Variants in SAMMSON observed in about 807,000 individuals in gnomAD.
SAMMSON encodes survival associated mitochondrial melanoma specific oncogenic non-coding RNA, also known as long intergenic non-protein coding RNA 1212.
intron 3 of SAMMSON, among the ~76,000 whole-genome samples, chr3:70,048,169 G>A (rs2067134148): frequency 6.6e-6 from 1 of 152,022 alleles, no homozygotes; most frequent in Admixed American, 6.6e-5. Context: ...GCTACCGGCT[G>A]TGAATACAAT....
intron 4 of SAMMSON, among the ~76,000 whole-genome samples, chr3:70,132,782 AAAG>A (rs2067487797): frequency 4.5e-5 from 5 of 110,690 alleles, no homozygotes; most frequent in Admixed American, 1.8e-4. Flanking sequence ...AAAAAAAAAA[AAAG>A]AAAAGAAAAA....
intron 7 of SAMMSON, among the ~76,000 whole-genome samples, chr3:70,325,512 C>T (rs1300788596): frequency 6.6e-6 from 1 of 152,078 alleles, no homozygotes; most frequent in African/African-American, 2.4e-5. Context: ...TCTAATTGTG[C>T]TGTGAGAGAG....
intron 4 of SAMMSON, chr3:70,126,584 T>C (rs969004322): frequency 4.2e-6 from 2 of 475,454 alleles, no homozygotes; most frequent in Admixed American, 3.4e-5. Flanking sequence ...CCCCTTGATA[T>C]TGCAAATGGC....
chr3:70,392,975 A>AT (rs1701062536), downstream of SAMMSON, among the ~76,000 whole-genome samples: 1 of 152,138 alleles, frequency 6.6e-6, no homozygotes, highest in Non-Finnish European at 1.5e-5. Flanking sequence ...ATTTTTGCAC[A>AT]TTTTGGGATC....
chr3:70,354,242 C>G (rs1367293804), exon 8 of SAMMSON: 1 of 152,140 alleles, frequency 6.6e-6, no homozygotes, highest in African/African-American at 2.4e-5. Context: ...TGTCTTACAA[C>G]TGCAGATGAA....
chr3:70,058,082 G>A (rs923276680), intron 3 of SAMMSON, among the ~76,000 whole-genome samples: 5 of 152,008 alleles, frequency 3.3e-5, no homozygotes, highest in Admixed American at 1.3e-4. Flanking sequence ...TGAGAAGAAC[G>A]CCATCTAAAC....
chr3:70,296,527 T>C (rs917629687), intron 7 of SAMMSON, among the ~76,000 whole-genome samples: 4 of 152,160 alleles, frequency 2.6e-5, no homozygotes, highest in African/African-American at 9.7e-5. Flanking sequence ...AATCATTTGG[T>C]TACTTAATTC....
intron 3 of SAMMSON, among the ~76,000 whole-genome samples, chr3:70,019,349 T>C (rs1037897570): frequency 6.6e-6 from 1 of 152,164 alleles, no homozygotes; most frequent in African/African-American, 2.4e-5. Flanking sequence ...GCCTTCTTTG[T>C]CTCTTTTGAA....
chr3:70,298,156 C>T (rs899006788), intron 7 of SAMMSON, among the ~76,000 whole-genome samples: 3 of 152,028 alleles, frequency 2.0e-5, no homozygotes, highest in Non-Finnish European at 4.4e-5. Flanking sequence ...TTAGATTTGG[C>T]ATCTAAATAT....
chr3:70,009,160 A>T (rs1402177089), intron 1 of SAMMSON: 2 of 152,216 alleles, frequency 1.3e-5, no homozygotes, highest in Non-Finnish European at 2.9e-5. Context: ...TCATAAAATG[A>T]GTGAGGGAGG....
rs191715650 is a variant in SAMMSON, at chr3:70,162,882, T to G, written n.508-86225T>G. Among the ~76,000 whole-genome samples the G allele has an allele frequency of 2.2e-3, 341 of 152,126 alleles. 7 individuals carry two copies. Among genetic ancestry groups the G allele is most frequent in the Non-Finnish European group, 3.1e-4 (21 of 67,902 alleles). The stretch of plus-strand genomic sequence containing the variant: ...TGTTGAATTGATTAGTTTATCATTA[T>G]AAAATGTTCTTCCTCTTTGTCTCTA... On this transcript the variant is annotated intron_variant and non_coding_transcript_variant, in intron 4 of 9. Coordinates refer to ENST00000642114, the Ensembl canonical transcript of SAMMSON.
chr3:70,293,514 A>G (rs1256077173), intron 7 of SAMMSON, among the ~76,000 whole-genome samples: 2 of 152,198 alleles, frequency 1.3e-5, no homozygotes, highest in African/African-American at 4.8e-5. Flanking sequence ...GATGTTGCCT[A>G]TATTTCTGAT....
At chr3:70,406,457 A>G (rs1701179076) in intron 2 of SAMMSON, among the ~76,000 whole-genome samples, 1 of 152,178 alleles carries the variant, frequency 6.6e-6, no homozygotes, top group Admixed American at 6.5e-5. Flanking sequence ...GAAAAATTTA[A>G]AAGAATTTGA....
chr3:70,395,204 C>T (rs1705702938), intron 2 of SAMMSON, among the ~76,000 whole-genome samples: 1 of 152,070 alleles, frequency 6.6e-6, no homozygotes, highest in Non-Finnish European at 1.5e-5. Flanking sequence ...CTAATCCTGC[C>T]AAAGGTCTCT....
chr3:70,318,632 C>T (rs1166956733), intron 7 of SAMMSON, among the ~76,000 whole-genome samples: 2 of 151,852 alleles, frequency 1.3e-5, no homozygotes, highest in African/African-American at 2.4e-5. Context: ...CTATTGACTG[C>T]TTGTTTTCTT....
chr3:70,409,934 A>T (rs1701205017), intron 2 of SAMMSON, among the ~76,000 whole-genome samples: 1 of 152,114 alleles, frequency 6.6e-6, no homozygotes, highest in South Asian at 2.1e-4. Context: ...CCAGGTAGTG[A>T]GCATAATACC....
chr3:70,085,899 G>A (rs889394199), intron 4 of SAMMSON, among the ~76,000 whole-genome samples: 3 of 152,134 alleles, frequency 2.0e-5, no homozygotes, highest in African/African-American at 4.8e-5. Context: ...ATCAACAAAT[G>A]AAACCTTAAT....
At chr3:70,238,516 T>C (rs2106639765) in intron 4 of SAMMSON, among the ~76,000 whole-genome samples, 1 of 151,888 alleles carries the variant, frequency 6.6e-6, no homozygotes, top group Non-Finnish European at 1.5e-5. Flanking sequence ...GGAAAGCAGA[T>C]GTAGGAGATC....
chr3:70,192,824 G>C (rs1701141224), intron 4 of SAMMSON, among the ~76,000 whole-genome samples: 1 of 152,106 alleles, frequency 6.6e-6, no homozygotes, highest in African/African-American at 2.4e-5. Context: ...GTTTTGTCTG[G>C]CAACTCTATT....
Sources: gnomAD v4.1 joint callset for allele counts (sites outside exome capture counted in the v4.1 genomes callset) on GRCh38, gnomAD v4.1.1 for gene constraint, MANE v1.5 for transcripts, NCBI Gene and HGNC (gene_info 2026-07-23, HGNC 2026-07-21) for gene names.